The following GRIA1 variants were observed in gnomAD, a reference collection of about 807,000 sequenced individuals.
The protein encoded by GRIA1 is glutamate receptor 1.
A neutral mutation model predicts 99.2 loss-of-function variants in GRIA1; 31 were observed. The observed-to-expected ratio is 0.31, with a 90% CI of 0.23 to 0.42. GRIA1 has a LOEUF of 0.42. Among genes scored for constraint, GRIA1 ranks in the 10% least tolerant of loss-of-function variants. The pLI is 1.00. For missense variants in GRIA1, 782 were observed against 1,157.5 expected, an observed-to-expected ratio of 0.68 and a Z score of 4.71; for synonymous variants, 438 against 432.4, an observed-to-expected ratio of 1.01 and a Z score of -0.16.
chr5:153,586,199 G>C (rs546130886), intron 2 of GRIA1, among the ~76,000 whole-genome samples: 7 of 152,238 alleles, frequency 4.6e-5, no homozygotes, highest in African/African-American at 1.7e-4. Context: ...ACCCTCCTAT[G>C]CAATGTAAGC....
intron 2 of GRIA1, among the ~76,000 whole-genome samples, chr5:153,539,813 C>T (rs1185753443): frequency 6.6e-6 from 1 of 152,184 alleles, no homozygotes; most frequent in Non-Finnish European, 1.5e-5. Flanking sequence ...AAACCATCAC[C>T]TTAAAGCCTG....
intron 2 of GRIA1, among the ~76,000 whole-genome samples, chr5:153,618,776 A>T (rs1766753683): frequency 6.6e-6 from 1 of 152,220 alleles, no homozygotes; most frequent in South Asian, 2.1e-4. Flanking sequence ...GAAGTATAAA[A>T]TACAGTGCCT....
intron 8 of GRIA1, among the ~76,000 whole-genome samples, chr5:153,690,010 T>C (rs2149501718): frequency 6.6e-6 from 1 of 152,286 alleles, no homozygotes; most frequent in East Asian, 1.9e-4. Flanking sequence ...GGAGGCACTG[T>C]AGCAAGATTA....
chr5:153,496,581 CCTGG>C (rs1314011136), intron 2 of GRIA1, among the ~76,000 whole-genome samples: 1 of 152,232 alleles, frequency 6.6e-6, no homozygotes, highest in East Asian at 1.9e-4. Flanking sequence ...GAAATGGTGG[CCTGG>C]CTGGAGGAGC....
chr5:153,802,536 C>A (rs774771685), intron 15 of GRIA1, 46 bp downstream of exon 15: 1 of 1,604,108 alleles, frequency 6.2e-7, no homozygotes, highest in Non-Finnish European at 8.5e-7. Flanking sequence ...TTCTGTGATG[C>A]AGCTGGGTTT....
intron 13 of GRIA1, among the ~76,000 whole-genome samples, chr5:153,780,060 C>T (rs945173518): frequency 6.6e-6 from 1 of 152,184 alleles, no homozygotes; most frequent in Non-Finnish European, 1.5e-5. Flanking sequence ...CACTGCTCCT[C>T]CTGCTGATAC....
chr5:153,532,619 T>C (rs1340916321), intron 2 of GRIA1, among the ~76,000 whole-genome samples: 2 of 152,200 alleles, frequency 1.3e-5, no homozygotes, highest in African/African-American at 4.8e-5. Flanking sequence ...GTATGTGTCA[T>C]TTATTATTAT....
At chr5:153,809,749 C>A (rs1299318092) in intron 15 of GRIA1, among the ~76,000 whole-genome samples, 2 of 152,176 alleles carry the variant, frequency 1.3e-5, no homozygotes, top group African/African-American at 2.4e-5. Flanking sequence ...AGCTGTCTTA[C>A]AGAAGACAAA....
At chr5:153,750,350 C>T (rs1380344932) in intron 11 of GRIA1, among the ~76,000 whole-genome samples, 2 of 152,070 alleles carry the variant, frequency 1.3e-5, no homozygotes, top group African/African-American at 4.8e-5. Context: ...TTATAAATAG[C>T]CATTTGAAGA....
chr5:153,689,262 A>C (rs947113132), intron 8 of GRIA1, among the ~76,000 whole-genome samples: 1 of 152,124 alleles, frequency 6.6e-6, no homozygotes, highest in African/African-American at 2.4e-5. Flanking sequence ...TAGATGCAGC[A>C]TTTTTGTGTA....
At chr5:153,800,834 G>A (rs544837961) in intron 14 of GRIA1, among the ~76,000 whole-genome samples, 70 of 152,326 alleles carry the variant, frequency 4.6e-4, no homozygotes, top group African/African-American at 1.7e-3. Context: ...ATAGGCAGAC[G>A]TCAGTCGAAG....
chr5:153,618,534 G>A (rs1000534858), intron 2 of GRIA1, among the ~76,000 whole-genome samples: 1 of 152,144 alleles, frequency 6.6e-6, no homozygotes, highest in Non-Finnish European at 1.5e-5. Context: ...GACAGAAAGA[G>A]GAGTGACAGC....
upstream of GRIA1, chr5:153,489,620 CTG>C (rs1474271809): frequency 1.7e-5 from 5 of 292,360 alleles, no homozygotes; most frequent in East Asian, 3.7e-4. Context: ...CCTTCAAAAA[CTG>C]TATTCTGTGG....
chr5:153,491,463 AG>A (rs1753910999), intron 1 of GRIA1: 1 of 272,028 alleles, frequency 3.7e-6, no homozygotes, highest in Non-Finnish European at 5.7e-6. Context: ...AGAAGGAGTG[AG>A]GGGTGCTGGG....
chr5:153,583,086 C>T (rs1048734524), intron 2 of GRIA1, among the ~76,000 whole-genome samples: 6 of 152,146 alleles, frequency 3.9e-5, no homozygotes, highest in Non-Finnish European at 7.3e-5. Flanking sequence ...GCATGAGCCA[C>T]CACACTTAGC....
Position 153,557,546 on chromosome 5 carries a change from A to G in GRIA1, c.220+63481A>G, listed in dbSNP as rs1025825546. Reference sequence around the variant, plus strand: ...ACAGCTTAAAACACAAACACATTGTACAACTATACAACTTTTTTTTCCTTA... The same window carrying G: ...ACAGCTTAAAACACAAACACATTGTGCAACTATACAACTTTTTTTTCCTTA... On this transcript the variant is annotated intron_variant, in intron 2 of 15. Transcript: ENST00000285900. 2.0e-5 allele frequency among the ~76,000 whole-genome samples: 3 copies of G among 152,244 alleles called. 1 individual carries two copies. Among genetic ancestry groups the G allele is most frequent in the Admixed American group, 2.0e-4 (3 of 15,274 alleles).
At position 153,622,917 on chromosome 5, in the gene GRIA1, C is replaced by T. The variant is rs543242474; in HGVS notation, c.221-24011C>T. Among the ~76,000 whole-genome samples, 18 of 152,304 alleles carry T rather than the reference C, an allele frequency of 1.2e-4. No homozygotes were observed. The South Asian group carries it at 3.3e-3, about 28-fold the overall frequency. ...GAGGCCTAGATGCGGCACCTACACT[C>T]AGTCTTATGTAAATAGAGGTTTCTC... On this transcript the variant is annotated intron_variant, in intron 2 of 15. Coordinates refer to ENST00000285900, the MANE Select transcript of GRIA1 (RefSeq NM_000827.4).
Position 153,599,184 on chromosome 5 carries a change from G to A in GRIA1, c.221-47744G>A, listed in dbSNP as rs184697639. Among the ~76,000 whole-genome samples the A allele has an allele frequency of 3.7e-3, 559 of 152,156 alleles. 4 individuals are homozygous for A. The highest frequency in any genetic ancestry group is 0.012 in the African/African-American group (514 of 41,534). On this transcript the variant is annotated intron_variant, in intron 2 of 15. Transcript: ENST00000285900. Reference sequence around the variant, plus strand: ...GGCATGAGCCACTGTACCCGGCCAGGGCTGTTGATTTTATATAATTTCCTT... The same window carrying A: ...GGCATGAGCCACTGTACCCGGCCAGAGCTGTTGATTTTATATAATTTCCTT...
chr5:153,681,867 C>G (rs776581185), intron 7 of GRIA1, among the ~76,000 whole-genome samples: 10 of 152,006 alleles, frequency 6.6e-5, no homozygotes, highest in Non-Finnish European at 1.5e-4. Flanking sequence ...AACCCTGTCT[C>G]TACTAAAAAT....
Sources: gnomAD v4.1 joint callset for allele counts (sites outside exome capture counted in the v4.1 genomes callset) on GRCh38, gnomAD v4.1.1 for gene constraint, MANE v1.5 for transcripts, NCBI Gene and HGNC (gene_info 2026-07-23, HGNC 2026-07-21) for gene names.